ANXA8: variants seen among roughly 807,000 people sequenced by gnomAD.
The protein encoded by ANXA8 is VAC-beta.
Under a neutral mutation model 26.8 loss-of-function variants are expected in ANXA8, and 9 were observed. That is an observed-to-expected ratio of 0.34 (90% CI 0.20 to 0.59). The LOEUF (loss-of-function observed/expected upper bound fraction) is 0.59. Among genes scored for constraint, ANXA8 ranks in the 20% least tolerant of loss-of-function variants. ANXA8 has a pLI of 0.84. For missense variants in ANXA8, 83 were observed against 238.5 expected (o/e 0.35, Z 4.29); for synonymous variants, 39 against 94.8 (o/e 0.41, Z 3.42).
the ANXA8 span, among the ~76,000 whole-genome samples, chr10:47,944,037 G>A: frequency 2.0e-5 from 3 of 147,428 alleles, no homozygotes; most frequent in African/African-American, 7.8e-5. Flanking sequence ...TAGTTGGCTC[G>A]GGCCGCTATT....
the ANXA8 span, among the ~76,000 whole-genome samples, chr10:47,647,227 G>A: frequency 2.6e-5 from 4 of 152,086 alleles, no homozygotes; most frequent in Non-Finnish European, 4.4e-5. Flanking sequence ...TAGGACTCTT[G>A]ATAATATTTT....
At chr10:47,647,541 A>T in the ANXA8 span, among the ~76,000 whole-genome samples, 1 of 149,718 alleles carries the variant, frequency 6.7e-6, no homozygotes, top group Non-Finnish European at 1.5e-5. Flanking sequence ...ATAGACCTGT[A>T]TGACTTCACA....
upstream of ANXA8, among the ~76,000 whole-genome samples, chr10:47,487,953 C>G (rs1840076154): frequency 2.0e-5 from 3 of 150,772 alleles, no homozygotes; most frequent in Admixed American, 2.0e-4. Flanking sequence ...CCTCAAAACT[C>G]ATATGCTGAA....
the ANXA8 span, among the ~76,000 whole-genome samples, chr10:47,514,309 C>T: frequency 1.0e-3 from 153 of 150,400 alleles, 2 homozygotes; most frequent in Middle Eastern, 0.01. Context: ...AAATTCATGG[C>T]ATTCCCAGCA....
chr10:47,645,829 G>A, the ANXA8 span, among the ~76,000 whole-genome samples: 1 of 149,534 alleles, frequency 6.7e-6, no homozygotes. Context: ...GGCAGAGGAA[G>A]GGCGAATTTA....
chr10:47,674,246 C>T, the ANXA8 span, among the ~76,000 whole-genome samples: 2 of 150,576 alleles, frequency 1.3e-5, no homozygotes, highest in Admixed American at 6.7e-5. Context: ...ATCCTCCCTC[C>T]TTAGCTTCCT....
the ANXA8 span, among the ~76,000 whole-genome samples, chr10:47,670,970 A>G: frequency 6.6e-6 from 1 of 150,946 alleles, no homozygotes; most frequent in Non-Finnish European, 1.5e-5. Context: ...ATTACGACAC[A>G]AGGGTTATAA....
the ANXA8 span, among the ~76,000 whole-genome samples, chr10:47,505,471 T>C: frequency 1.4e-5 from 2 of 138,410 alleles, 1 homozygote; most frequent in Non-Finnish European, 3.1e-5. Context: ...TCTGAATAAG[T>C]GGAAAGTTAA....
At chr10:47,653,126 A>G in the ANXA8 span, among the ~76,000 whole-genome samples, 1 of 150,782 alleles carries the variant, frequency 6.6e-6, no homozygotes, top group African/African-American at 2.5e-5. Flanking sequence ...AGCCTGGCCG[A>G]CATGGTGAAA....
At chr10:47,644,507 T>A in the ANXA8 span, among the ~76,000 whole-genome samples, 2 of 152,082 alleles carry the variant, frequency 1.3e-5, no homozygotes, top group Non-Finnish European at 2.9e-5. Context: ...ATTGGCTGGA[T>A]ATGGCCTGCA....
At chr10:47,484,226 G>C (rs1479252644), upstream of ANXA8, 3 of 711,328 alleles carry the variant, frequency 4.2e-6, no homozygotes, top group South Asian at 1.5e-5. Context: ...TGGCTGTTAC[G>C]CATACTGGAA....
chr10:47,686,047 T>G, the ANXA8 span, among the ~76,000 whole-genome samples: 1 of 150,962 alleles, frequency 6.6e-6, no homozygotes, highest in Non-Finnish European at 1.5e-5. Flanking sequence ...GACTTTATTA[T>G]ATGACTTTTT....
the ANXA8 span, among the ~76,000 whole-genome samples, chr10:47,982,201 G>A: frequency 6.7e-5 from 10 of 150,000 alleles, no homozygotes; most frequent in African/African-American, 2.4e-4. Flanking sequence ...GAGGTGGGAG[G>A]ATCACTTGAG....
chr10:47,881,907 CTGTG>C, the ANXA8 span, among the ~76,000 whole-genome samples: 1 of 152,164 alleles, frequency 6.6e-6, no homozygotes, highest in East Asian at 1.9e-4. Flanking sequence ...GTGAATATGC[CTGTG>C]TGTATGTGTG....
chr10:47,595,491 C>A, the ANXA8 span, among the ~76,000 whole-genome samples: 1 of 149,112 alleles, frequency 6.7e-6, no homozygotes, highest in Non-Finnish European at 1.5e-5. Context: ...AAATCAGAAT[C>A]ACCCATCTGC....
chr10:47,986,684 C>G, the ANXA8 span: 3 of 359,826 alleles, frequency 8.3e-6, no homozygotes, highest in South Asian at 6.2e-5. Context: ...CAACACAACG[C>G]GTCACTCCGG....
chr10:47,665,245 G>A, the ANXA8 span, among the ~76,000 whole-genome samples: 1 of 148,468 alleles, frequency 6.7e-6, no homozygotes, highest in Admixed American at 6.6e-5. Context: ...AGAAGTCAGG[G>A]ACATTATGGA....
chr10:47,554,952 C>T, the ANXA8 span, among the ~76,000 whole-genome samples: 1 of 151,552 alleles, frequency 6.6e-6, no homozygotes, highest in Non-Finnish European at 1.5e-5. Context: ...TTCTTGTCCT[C>T]TGCCCTACCT....
At chr10:47,939,542 C>T in the ANXA8 span, among the ~76,000 whole-genome samples, 1 of 144,420 alleles carries the variant, frequency 6.9e-6, no homozygotes, top group Non-Finnish European at 1.5e-5. Flanking sequence ...TGCAACTGTG[C>T]CCCGTTCCCA....
Sources: allele counts gnomAD v4.1 joint callset (sites outside exome capture counted in the v4.1 genomes callset), GRCh38; gene constraint gnomAD v4.1.1; transcripts MANE v1.5; gene names NCBI Gene and HGNC (gene_info 2026-07-23, HGNC 2026-07-21).